EPHA4: variants seen among roughly 807,000 people sequenced by gnomAD.
The protein encoded by EPHA4 is ephrin type-A receptor 4.
Under a neutral mutation model 108.3 loss-of-function variants are expected in EPHA4, and 19 were observed. That is an observed-to-expected ratio of 0.18 (90% CI 0.12 to 0.26). The LOEUF is 0.26. Among genes scored for constraint, EPHA4 ranks in the 10% least tolerant of loss-of-function variants. The pLI is 1.00. For synonymous variants in EPHA4, 449 were observed against 455.5 expected (o/e 0.99, Z 0.18); for missense variants, 917 against 1,254.0 (o/e 0.73, Z 4.06).
chr2:221,450,720 A>G (rs1690755706), intron 8 of EPHA4, among the ~76,000 whole-genome samples: 1 of 152,044 alleles, frequency 6.6e-6, no homozygotes, highest in Non-Finnish European at 1.5e-5. Flanking sequence ...TTCCTTATCC[A>G]GGTAAAAGGG....
In EPHA4 at chr2:221,545,792, G is replaced by A. The variant is rs1028565122; in HGVS notation, c.823+17939C>T. On this transcript the variant is annotated intron_variant, in intron 3 of 17. Coordinates refer to ENST00000281821, the MANE Select transcript of EPHA4 (RefSeq NM_004438.5). ...ACACATTCACATACACACACCACCC[G>A]CACACAATGTGTCCCTCTTCTGTTG... Among the ~76,000 whole-genome samples the A allele has an allele frequency of 5.3e-5, 8 of 151,938 alleles. No individual in the cohort carries two copies. The South Asian group carries it at 8.3e-4, about 16-fold the overall frequency.
chr2:221,454,057 G>A (rs1334806004), intron 8 of EPHA4, among the ~76,000 whole-genome samples: 1 of 152,040 alleles, frequency 6.6e-6, no homozygotes, highest in Non-Finnish European at 1.5e-5. Context: ...GCGTGTGCCT[G>A]TAATCCCAGC....
intron 3 of EPHA4, among the ~76,000 whole-genome samples, chr2:221,552,239 T>A (rs1316154021): frequency 6.6e-6 from 1 of 152,218 alleles, no homozygotes; most frequent in Non-Finnish European, 1.5e-5. Context: ...TGGAGTGCCC[T>A]AACAGCTAAA....
At chr2:221,483,027 A>G (rs1691876159) in intron 4 of EPHA4, among the ~76,000 whole-genome samples, 1 of 152,172 alleles carries the variant, frequency 6.6e-6, no homozygotes, top group South Asian at 2.1e-4. Flanking sequence ...CTTATCATCT[A>G]AAAAAATGAA....
intron 17 of EPHA4, among the ~76,000 whole-genome samples, chr2:221,420,898 T>C (rs1446241788): frequency 6.6e-6 from 1 of 152,212 alleles, no homozygotes; most frequent in Non-Finnish European, 1.5e-5. Flanking sequence ...AAAGTTCTAA[T>C]TGATATTTAT....
At chr2:221,472,301 A>C (rs938748635) in intron 5 of EPHA4, among the ~76,000 whole-genome samples, 3 of 34,986 alleles carry the variant, frequency 8.6e-5, no homozygotes, top group Non-Finnish European at 2.9e-4. Context: ...CTTATTTTAC[A>C]AAAAAAAAAA....
chr2:221,522,231 C>T (rs115551325), intron 3 of EPHA4, among the ~76,000 whole-genome samples: 1,987 of 152,216 alleles, frequency 0.013, 43 homozygotes, highest in African/African-American at 0.046. Context: ...CGTTGAAGAA[C>T]GGGGAAGGTG....
At position 221,566,969 on chromosome 2, in the gene EPHA4, G is replaced by GGAGGAAGAAGAAGAAGAAGAA. The variant is rs1553595993; in HGVS notation, c.159+1748_159+1749insTTCTTCTTCTTCTTCTTCCTC. On this transcript the variant is annotated intron_variant, in intron 2 of 17. Coordinates refer to ENST00000281821, the MANE Select transcript of EPHA4 (RefSeq NM_004438.5). The stretch of plus-strand genomic sequence containing the variant: ...GAGAAGGAGAAGGGGAAGAGGAAGA[G>GGAGGAAGAAGAAGAAGAAGAA]GAAGAAGAAGAAGAAGAAGAAGAAG... 7.2e-5 allele frequency among the ~76,000 whole-genome samples: 2 copies of GGAGGAAGAAGAAGAAGAAGAA among 27,654 alleles called. 1 individual carries two copies. The highest frequency in any genetic ancestry group is 1.2e-4 in the Non-Finnish European group (2 of 16,172). 18.1% of individuals were successfully genotyped at this position (27,654 alleles called of 152,430 possible).
In EPHA4 at chr2:221,571,973, A is replaced by T. The variant is rs1002860855; in HGVS notation, c.91+185T>A. On this transcript the variant is annotated intron_variant, in intron 1 of 17. Transcript: ENST00000281821. The surrounding 1 kb of genome is among the most constrained non-coding windows in gnomAD (Gnocchi z 6.3). ...CGTGCACGGGTCACCGCCTCGGGGC[A>T]GGCTGTCCGGCGGTTCCCCGCTGCC... Among the ~76,000 whole-genome samples the T allele has an allele frequency of 2.0e-5, 3 of 152,120 alleles. No homozygotes were observed. Among genetic ancestry groups the T allele is most frequent in the Non-Finnish European group, 2.9e-5 (2 of 68,026 alleles).
intron 3 of EPHA4, among the ~76,000 whole-genome samples, chr2:221,528,231 C>A (rs1418155970): frequency 6.6e-6 from 1 of 152,122 alleles, no homozygotes; most frequent in African/African-American, 2.4e-5. Flanking sequence ...GGAGAATGTA[C>A]TCATTGAGTA....
At chr2:221,527,483 C>A (rs1693374592) in intron 3 of EPHA4, among the ~76,000 whole-genome samples, 1 of 152,174 alleles carries the variant, frequency 6.6e-6, no homozygotes, top group Non-Finnish European at 1.5e-5. Context: ...CCCCATATGA[C>A]AGAGGCTCCT....
At chr2:221,507,405 C>A (rs6740678) in intron 3 of EPHA4, among the ~76,000 whole-genome samples, 4 of 151,952 alleles carry the variant, frequency 2.6e-5, no homozygotes, top group Admixed American at 6.6e-5. Flanking sequence ...GAAGCTATTC[C>A]TATACCATTG....
chr2:221,436,864 A>G (rs1237059687), intron 12 of EPHA4, among the ~76,000 whole-genome samples, 197 bp downstream of exon 12: 4 of 152,218 alleles, frequency 2.6e-5, no homozygotes, highest in Admixed American at 6.5e-5. Flanking sequence ...ACATTACAGG[A>G]ATAAATCAAA....
chr2:221,550,047 G>A (rs888624184), intron 3 of EPHA4, among the ~76,000 whole-genome samples: 3 of 152,190 alleles, frequency 2.0e-5, no homozygotes, highest in Non-Finnish European at 4.4e-5. Flanking sequence ...AATTATGGAT[G>A]AGAGCAATGT....
chr2:221,459,290 A>T (rs1430222), intron 5 of EPHA4, among the ~76,000 whole-genome samples: 2 of 149,070 alleles, frequency 1.3e-5, no homozygotes, highest in Non-Finnish European at 3.0e-5. Context: ...TAACAGGCGC[A>T]CACACACACA....
chr2:221,534,267 T>C (rs1167781768), intron 3 of EPHA4, among the ~76,000 whole-genome samples: 6 of 152,338 alleles, frequency 3.9e-5, no homozygotes, highest in Admixed American at 1.3e-4. Flanking sequence ...TAGTAAATCA[T>C]TGGTGTTCCA....
chr2:221,535,877 T>C (rs532654489), intron 3 of EPHA4, among the ~76,000 whole-genome samples: 3 of 152,212 alleles, frequency 2.0e-5, no homozygotes, highest in Admixed American at 1.3e-4. Flanking sequence ...AATCAAGAAA[T>C]ATCTGATGAA....
At chr2:221,461,985 C>CTTTTTTTT (rs71050335) in intron 5 of EPHA4, among the ~76,000 whole-genome samples, 3 of 138,920 alleles carry the variant, frequency 2.2e-5, no homozygotes, top group Non-Finnish European at 3.1e-5. Flanking sequence ...TGAACACATT[C>CTTTTTTTT]TTTTTTTTTT....
Position 221,430,093 on chromosome 2 carries a change from G to C in EPHA4, c.2555C>G (p.Ala852Gly). Residue 852 changes from alanine to glycine, a missense_variant, in exon 15 of 18, where the codon GCG becomes GGG. This residue lies in a region of EPHA4 where 133 missense variants were observed against 132.8 expected (regional missense o/e 1.00). Coordinates refer to ENST00000281821, the MANE Select transcript of EPHA4 (RefSeq NM_004438.5). ...GCAGTCTAGCATCAGCTGGTGGAGC[G>C]CAATGGGGCAGTCCATTGGAGGGGG... is the stretch of plus-strand genomic sequence containing the variant. ...RLPPPMDCPI[A>G]LHQLMLDCWQ... The C allele has an allele frequency of 1.2e-6, 2 of 1,613,538 alleles. No individual in the cohort carries two copies. The highest frequency in any genetic ancestry group is 2.2e-5 in the South Asian group (2 of 90,968).
Sources: allele counts gnomAD v4.1 joint callset (sites outside exome capture counted in the v4.1 genomes callset), GRCh38; gene constraint gnomAD v4.1.1; regional missense constraint gnomAD v4.1.1; non-coding constraint Gnocchi (gnomAD v3.1); transcripts MANE v1.5; gene names NCBI Gene and HGNC (gene_info 2026-07-23, HGNC 2026-07-21).